The following OR2L13 variants were observed in gnomAD, a reference collection of about 807,000 sequenced individuals.
OR2L13 encodes the protein olfactory receptor 2L13.
A neutral mutation model predicts 15.3 loss-of-function variants in OR2L13; 14 were observed. That is an observed-to-expected ratio of 0.91 (90% CI 0.60 to 1.43). The LOEUF (loss-of-function observed/expected upper bound fraction) is 1.43, where lower values mean the gene tolerates loss of function less well. OR2L13 is among the 40% of genes most tolerant of loss of function. The pLI is 0.00. For missense variants in OR2L13, 367 were observed against 387.9 expected, an observed-to-expected ratio of 0.95 and a Z score of 0.45; for synonymous variants, 152 against 142.9, an observed-to-expected ratio of 1.06 and a Z score of -0.45.
At chr1:248,097,875 C>T (rs1664770695) in intron 1 of OR2L13, among the ~76,000 whole-genome samples, 1 of 152,218 alleles carries the variant, frequency 6.6e-6, no homozygotes. Context: ...GACAGTTGGT[C>T]GCCCACTTGG....
chr1:247,966,164 A>G, the OR2L13 span: 6 of 1,613,976 alleles, frequency 3.7e-6, no homozygotes, highest in South Asian at 5.5e-5. Context: ...ACAAGGCCAC[A>G]CTCCTTGCGT....
the OR2L13 span, among the ~76,000 whole-genome samples, chr1:248,019,871 C>T: frequency 3.5e-4 from 53 of 152,212 alleles, no homozygotes; most frequent in African/African-American, 1.1e-3. Flanking sequence ...ACTGCAACCT[C>T]GGCCTCCTGG....
chr1:248,100,020 T>C (rs757934113), exon 3 of OR2L13: 1 of 1,614,218 alleles, frequency 6.2e-7, no homozygotes, highest in South Asian at 1.1e-5. Flanking sequence ...GCATCACTTC[T>C]TCCTGTGGCC....
chr1:248,073,137 A>G, the OR2L13 span, among the ~76,000 whole-genome samples: 1 of 152,010 alleles, frequency 6.6e-6, no homozygotes, highest in African/African-American at 2.4e-5. Flanking sequence ...TATATACCCA[A>G]AGGACTATAA....
At chr1:247,943,409 C>CAA in the OR2L13 span, among the ~76,000 whole-genome samples, 1 of 152,062 alleles carries the variant, frequency 6.6e-6, no homozygotes, top group Non-Finnish European at 1.5e-5. Context: ...CACAAATGTA[C>CAA]TCCCTGAATA....
chr1:248,045,695 T>C, the OR2L13 span: 2 of 152,220 alleles, frequency 1.3e-5, no homozygotes, highest in Admixed American at 1.3e-4. Context: ...TCTGCACACT[T>C]TGACTTTCAG....
At chr1:248,073,659 AAAAT>A in the OR2L13 span, among the ~76,000 whole-genome samples, 1 of 151,100 alleles carries the variant, frequency 6.6e-6, no homozygotes, top group Non-Finnish European at 1.5e-5. Flanking sequence ...AAAAAAATAA[AAAAT>A]AAAAATAAAA....
At chr1:247,940,747 TGTGTGTGTGC>T in the OR2L13 span, among the ~76,000 whole-genome samples, 1 of 151,054 alleles carries the variant, frequency 6.6e-6, no homozygotes, top group African/African-American at 2.4e-5. Context: ...TGTGTGTGTG[TGTGTGTGTGC>T]GCGCGCTAAG....
At chr1:247,949,639 C>T in the OR2L13 span, 1 of 1,613,930 alleles carries the variant, frequency 6.2e-7, no homozygotes, top group Non-Finnish European at 8.5e-7. Context: ...TATCTACGTC[C>T]AAGATCCCTG....
At chr1:248,039,854 A>C in the OR2L13 span, 1 of 152,162 alleles carries the variant, frequency 6.6e-6, no homozygotes, top group African/African-American at 2.4e-5. Context: ...TCTTAAAGTA[A>C]TGTTTTACTA....
the OR2L13 span, among the ~76,000 whole-genome samples, chr1:248,036,457 C>T: frequency 6.6e-6 from 1 of 152,118 alleles, no homozygotes; most frequent in African/African-American, 2.4e-5. Context: ...TAAAAACTCA[C>T]TCTTTTTGCA....
the OR2L13 span, among the ~76,000 whole-genome samples, chr1:248,007,892 G>A: frequency 0.037 from 5,682 of 152,166 alleles, 317 homozygotes; most frequent in African/African-American, 0.13. Context: ...TATATTTCTC[G>A]TTAGAACAAG....
At chr1:247,953,132 A>C in the OR2L13 span, among the ~76,000 whole-genome samples, 1 of 152,160 alleles carries the variant, frequency 6.6e-6, no homozygotes, top group African/African-American at 2.4e-5. Context: ...CATTTACTAC[A>C]TTGTTTATGA....
At chr1:248,013,703 G>T in the OR2L13 span, 1 of 152,048 alleles carries the variant, frequency 6.6e-6, no homozygotes, top group Admixed American at 6.6e-5. Context: ...AGCCAACAAA[G>T]GCAGTGCGTG....
the OR2L13 span, among the ~76,000 whole-genome samples, chr1:248,030,823 G>A: frequency 1.3e-5 from 2 of 152,212 alleles, no homozygotes; most frequent in Non-Finnish European, 2.9e-5. Flanking sequence ...CATATTGCAC[G>A]TGCCAGTGTG....
chr1:248,082,268 C>T, the OR2L13 span, among the ~76,000 whole-genome samples: 1 of 142,958 alleles, frequency 7.0e-6, no homozygotes, highest in African/African-American at 2.6e-5. Flanking sequence ...CACATATTCT[C>T]ACTCATAGGT....
At chr1:248,091,296 C>T (rs764387470), upstream of OR2L13, among the ~76,000 whole-genome samples, 6 of 151,976 alleles carry the variant, frequency 3.9e-5, no homozygotes, top group Non-Finnish European at 7.4e-5. Context: ...AATTAGGTTC[C>T]ACTTGTTAAT....
chr1:248,068,242 AC>A, the OR2L13 span, among the ~76,000 whole-genome samples: 8 of 151,920 alleles, frequency 5.3e-5, no homozygotes, highest in Non-Finnish European at 8.8e-5. Context: ...ACTGGGAGGC[AC>A]CCCCCAGTAG....
At chr1:247,952,455 G>A in the OR2L13 span, among the ~76,000 whole-genome samples, 5 of 152,112 alleles carry the variant, frequency 3.3e-5, no homozygotes, top group African/African-American at 9.7e-5. Flanking sequence ...TTCTAAAGGA[G>A]GCTCGAGGGA....
Sources: allele counts gnomAD v4.1 joint callset (sites outside exome capture counted in the v4.1 genomes callset), GRCh38; gene constraint gnomAD v4.1.1; transcripts MANE v1.5; gene names NCBI Gene and HGNC (gene_info 2026-07-23, HGNC 2026-07-21).